Variants in FSTL4 observed in about 807,000 individuals in gnomAD.
The protein encoded by FSTL4 is follistatin like 4.
A neutral mutation model predicts 78.2 loss-of-function variants in FSTL4; 28 were observed. The observed-to-expected ratio is 0.36, with a 90% CI of 0.27 to 0.49. The LOEUF (loss-of-function observed/expected upper bound fraction) is 0.49. Among genes scored for constraint, FSTL4 ranks in the 20% least tolerant of loss-of-function variants. The probability of loss-of-function intolerance (pLI) is 0.98; values close to 1 mark genes in which losing one functional copy is unlikely to be tolerated. For missense variants in FSTL4, 922 were observed against 1,084.9 expected (o/e 0.85, Z 2.11); for synonymous variants, 422 against 440.5 (o/e 0.96, Z 0.53).
the FSTL4 span, among the ~76,000 whole-genome samples, chr5:133,781,238 T>C: frequency 6.6e-6 from 1 of 152,046 alleles, no homozygotes; most frequent in Non-Finnish European, 1.5e-5. Flanking sequence ...CCAGCTGGGA[T>C]AGTAACAGGT....
intron 6 of FSTL4, among the ~76,000 whole-genome samples, chr5:133,301,505 C>T (rs1012215826): frequency 5.9e-5 from 9 of 152,238 alleles, no homozygotes; most frequent in South Asian, 4.1e-4. Flanking sequence ...AGCCCAGAGA[C>T]GCCACCCAGA....
intron 1 of FSTL4, among the ~76,000 whole-genome samples, chr5:133,607,279 C>T (rs1162085445): frequency 1.3e-5 from 2 of 152,126 alleles, no homozygotes; most frequent in African/African-American, 2.4e-5. Context: ...AGTTTTATGA[C>T]AGTTCAGTTC....
In FSTL4 at chr5:133,197,756, T is replaced by G. The variant is rs2126753496; in HGVS notation, c.*1339A>C. The G allele has an allele frequency of 6.6e-6, 1 of 152,312 alleles. No homozygotes were observed. The allele number at this position is 152,312 out of a possible 1,614,324, so 9.4% of individuals were successfully genotyped here. ...AAACCAGGACACATGTAAGTTCCAC[T>G]CATATGTGGGAGAGGGAAGGCGAGC... On this transcript the variant is annotated 3_prime_UTR_variant, in exon 16 of 16. Coordinates refer to ENST00000265342, the MANE Select transcript of FSTL4 (RefSeq NM_015082.2).
At chr5:133,249,821 T>C (rs1752162908) in intron 6 of FSTL4, among the ~76,000 whole-genome samples, 1 of 152,192 alleles carries the variant, frequency 6.6e-6, no homozygotes, top group African/African-American at 2.4e-5. Flanking sequence ...CCATAAGTAA[T>C]GTGCTGAGGA....
intron 6 of FSTL4, among the ~76,000 whole-genome samples, chr5:133,274,380 C>CTTTTTTTTTTTT (rs59634629): frequency 0.16 from 11,611 of 70,836 alleles, 3,486 homozygotes; most frequent in African/African-American, 0.22. Flanking sequence ...GCAATCTGTG[C>CTTTTTTTTTTTT]TTTTTTTTTT....
At chr5:133,713,931 C>T in the FSTL4 span, among the ~76,000 whole-genome samples, 2 of 152,148 alleles carry the variant, frequency 1.3e-5, no homozygotes, top group East Asian at 1.9e-4. Context: ...AAAGGGAGCC[C>T]GGACGCTGAA....
At chr5:133,763,296 C>T in the FSTL4 span, among the ~76,000 whole-genome samples, 1 of 152,194 alleles carries the variant, frequency 6.6e-6, no homozygotes, top group Non-Finnish European at 1.5e-5. Context: ...GTATGTTAAG[C>T]CAGTCTTCTC....
chr5:133,396,224 A>G (rs1347141015), intron 4 of FSTL4, among the ~76,000 whole-genome samples: 1 of 152,202 alleles, frequency 6.6e-6, no homozygotes, highest in African/African-American at 2.4e-5. Flanking sequence ...CACCAGCATC[A>G]TCCCTAGTGC....
chr5:133,827,146 G>A, the FSTL4 span, among the ~76,000 whole-genome samples: 11 of 152,192 alleles, frequency 7.2e-5, no homozygotes, highest in African/African-American at 1.9e-4. Context: ...CATCATCCTC[G>A]GCTCTGGGAC....
chr5:133,262,642 C>T (rs61320563), intron 6 of FSTL4, among the ~76,000 whole-genome samples: 20,984 of 152,132 alleles, frequency 0.14, 3,566 homozygotes, highest in African/African-American at 0.41. Context: ...GCCCAGCCTG[C>T]GGGATGGTAA....
the FSTL4 span, among the ~76,000 whole-genome samples, chr5:133,681,143 T>C: frequency 1.9e-4 from 29 of 152,224 alleles, no homozygotes; most frequent in Non-Finnish European, 3.4e-4. Context: ...GGCAGGCAGG[T>C]GGGCAGGCAA....
At chr5:133,776,132 C>A in the FSTL4 span, among the ~76,000 whole-genome samples, 1 of 152,110 alleles carries the variant, frequency 6.6e-6, no homozygotes, top group Non-Finnish European at 1.5e-5. Context: ...CAGGTCTATG[C>A]TCCACCCATC....
At chr5:133,656,353 C>T in the FSTL4 span, among the ~76,000 whole-genome samples, 16 of 152,110 alleles carry the variant, frequency 1.1e-4, no homozygotes, top group African/African-American at 3.4e-4. Flanking sequence ...TACAACAATT[C>T]CCATTTCATT....
intron 2 of FSTL4, among the ~76,000 whole-genome samples, chr5:133,580,489 G>A (rs256253): frequency 0.24 from 37,263 of 152,110 alleles, 4,887 homozygotes; most frequent in African/African-American, 0.34. Flanking sequence ...TGGAAGAAAC[G>A]GGCAACAAAC....
chr5:133,294,444 C>T (rs1489986534), intron 6 of FSTL4, among the ~76,000 whole-genome samples: 4 of 152,182 alleles, frequency 2.6e-5, no homozygotes, highest in Admixed American at 6.5e-5. Flanking sequence ...GGGAAACCCC[C>T]GTGCATGCTC....
At chr5:133,694,488 G>A in the FSTL4 span, among the ~76,000 whole-genome samples, 1 of 152,270 alleles carries the variant, frequency 6.6e-6, no homozygotes, top group Non-Finnish European at 1.5e-5. Flanking sequence ...ACCGTGGACT[G>A]TGAAACTCAG....
At chr5:133,838,819 G>C in the FSTL4 span, among the ~76,000 whole-genome samples, 1 of 152,178 alleles carries the variant, frequency 6.6e-6, no homozygotes, top group African/African-American at 2.4e-5. Flanking sequence ...AATTACAAAG[G>C]CCTATCTGTG....
intron 6 of FSTL4, among the ~76,000 whole-genome samples, chr5:133,257,417 G>T (rs767336541): frequency 3.9e-5 from 6 of 152,168 alleles, no homozygotes; most frequent in Non-Finnish European, 7.4e-5. Context: ...TATCCTCCTT[G>T]TTTGCAGGAG....
Position 133,306,054 on chromosome 5 carries a change from C to T in FSTL4, c.727+6600G>A, listed in dbSNP as rs560396943. Among the ~76,000 whole-genome samples, 103 of 152,354 alleles carry T rather than the reference C, an allele frequency of 6.8e-4. 3 individuals are homozygous for T. Among genetic ancestry groups the T allele is most frequent in the African/African-American group, 2.1e-3 (89 of 41,580 alleles). On this transcript the variant is annotated intron_variant, in intron 6 of 15. Transcript: ENST00000265342. ...GGGGAGCTTGGGTATTTGTGGCTGA[C>T]GGTTTTGCTCCAGAGGCCTGCCTTG...
Sources: gnomAD v4.1 joint callset for allele counts (sites outside exome capture counted in the v4.1 genomes callset) on GRCh38, gnomAD v4.1.1 for gene constraint, MANE v1.5 for transcripts, NCBI Gene and HGNC (gene_info 2026-07-23, HGNC 2026-07-21) for gene names.